Variants in PRPF18 observed in about 807,000 individuals in gnomAD.
PRPF18 encodes the protein pre-mRNA-splicing factor 18.
A neutral mutation model predicts 46.5 loss-of-function variants in PRPF18; 38 were observed. The observed-to-expected ratio is 0.82, with a 90% confidence interval of 0.63 to 1.07. The LOEUF (loss-of-function observed/expected upper bound fraction) is 1.07, where lower values mean the gene tolerates loss of function less well. Ranked by LOEUF, PRPF18 falls within the 50% of genes least tolerant of loss-of-function variation. PRPF18 has a pLI of 0.00. For missense variants in PRPF18, 263 were observed against 410.0 expected, an observed-to-expected ratio of 0.64 and a Z score of 3.10; for synonymous variants, 152 against 146.7, an observed-to-expected ratio of 1.04 and a Z score of -0.26.
the PRPF18 span, among the ~76,000 whole-genome samples, chr10:13,636,206 G>A: frequency 6.6e-6 from 1 of 152,190 alleles, no homozygotes; most frequent in East Asian, 1.9e-4. Flanking sequence ...CAGATCACTT[G>A]AGCTCAGGAG....
intron 2 of PRPF18, among the ~76,000 whole-genome samples, chr10:13,599,157 G>C (rs959183372): frequency 5.3e-5 from 8 of 152,218 alleles, no homozygotes; most frequent in African/African-American, 1.9e-4. Context: ...TTCCTTCTTG[G>C]TAGTAATGAC....
chr10:13,651,871 G>C, the PRPF18 span: 1 of 1,063,954 alleles, frequency 9.4e-7, no homozygotes, highest in East Asian at 2.4e-5. Context: ...ACAGACTCAT[G>C]GGCAGTAGGA....
chr10:13,655,667 A>G, the PRPF18 span: 2 of 152,172 alleles, frequency 1.3e-5, no homozygotes, highest in Non-Finnish European at 2.9e-5. Flanking sequence ...CAGTTCCCCA[A>G]AGATGAACCC....
chr10:13,611,695 A>G lies in PRPF18; in HGVS notation c.579+12A>G. ...CCAAATTCCTGAAGGTGCGTGTCTT[A>G]GGCGAGGGGATGAGGATGCCTTGGA... On this transcript the variant is annotated intron_variant, in intron 6 of 9. Transcript: ENST00000378572. 1 of 1,610,536 alleles carries G rather than the reference A, an allele frequency of 6.2e-7. No homozygotes were observed. The highest frequency in any genetic ancestry group is 1.3e-5 in the African/African-American group (1 of 74,896).
the PRPF18 span, chr10:13,643,058 G>A: frequency 2.0e-4 from 31 of 152,386 alleles, no homozygotes; most frequent in African/African-American, 7.5e-4. Context: ...ACTCAAGTCA[G>A]TCAGTCACCA....
downstream of PRPF18, among the ~76,000 whole-genome samples, chr10:13,634,173 C>T (rs1181010831): frequency 6.6e-6 from 1 of 152,200 alleles, no homozygotes; most frequent in African/African-American, 2.4e-5. Context: ...AACAATTTAT[C>T]ATGAAAGCAT....
the PRPF18 span, chr10:13,645,584 T>A: frequency 6.6e-6 from 1 of 152,640 alleles, no homozygotes; most frequent in African/African-American, 2.4e-5. Context: ...TTTCCTCCTC[T>A]TTTGGTATCT....
the PRPF18 span, chr10:13,653,060 T>A: frequency 6.7e-6 from 1 of 150,222 alleles, no homozygotes; most frequent in Non-Finnish European, 1.5e-5. Context: ...AACATCTGGG[T>A]ATTTCCCCCG....
chr10:13,610,406 A>G (rs1483200885), intron 5 of PRPF18, among the ~76,000 whole-genome samples: 1 of 152,166 alleles, frequency 6.6e-6, no homozygotes, highest in Non-Finnish European at 1.5e-5. Flanking sequence ...TATGTTGGAT[A>G]TGCATCTTTC....
chr10:13,597,395 G>C, intron 1 of PRPF18, 63 bp from the exon 2 acceptor site: 4 of 1,117,352 alleles, frequency 3.6e-6, no homozygotes, highest in East Asian at 5.2e-5. Flanking sequence ...GGTATTTGTT[G>C]ACTATGGGAC....
chr10:13,603,378 A>G (rs567308166), intron 3 of PRPF18, among the ~76,000 whole-genome samples: 1 of 152,286 alleles, frequency 6.6e-6, no homozygotes, highest in Non-Finnish European at 1.5e-5. Flanking sequence ...CACTAAAAGA[A>G]ATTTCGAAGT....
At chr10:13,628,105 A>AAAT (rs2080536074) in intron 9 of PRPF18, among the ~76,000 whole-genome samples, 1 of 152,216 alleles carries the variant, frequency 6.6e-6, no homozygotes, top group African/African-American at 2.4e-5. Context: ...ATCCCAAAGC[A>AAAT]AATACCTGAT....
At chr10:13,604,348 T>A (rs1000368813) in intron 3 of PRPF18, among the ~76,000 whole-genome samples, 1 of 152,226 alleles carries the variant, frequency 6.6e-6, no homozygotes, top group African/African-American at 2.4e-5. Context: ...CTTTCTTCCT[T>A]TTTAAAATGA....
At chr10:13,643,122 C>T in the PRPF18 span, 1 of 152,200 alleles carries the variant, frequency 6.6e-6, no homozygotes, top group Non-Finnish European at 1.5e-5. Context: ...AGGCGCTTGG[C>T]TCTCGTGATG....
the PRPF18 span, among the ~76,000 whole-genome samples, chr10:13,636,379 G>T: frequency 5.3e-5 from 8 of 152,188 alleles, no homozygotes; most frequent in South Asian, 2.1e-4. Context: ...TGATCACACT[G>T]CTGCGTTCCA....
Position 13,613,851 on chromosome 10 carries a change from A to G in PRPF18, c.690A>G (p.Leu230=), listed in dbSNP as rs770327149. The G allele has an allele frequency of 1.9e-6, 3 of 1,612,016 alleles. No homozygotes were observed. The highest frequency in any genetic ancestry group is 2.5e-6 in the Non-Finnish European group (3 of 1,179,510). Residue 230 remains leucine, a synonymous_variant, in exon 7 of 10, where the codon CTA becomes CTG. Transcript: ENST00000378572. The part of the protein sequence containing the change: ...SATQKQTESY[L]RPLFRKLRKR... The stretch of plus-strand genomic sequence containing the variant: ...CCCAGAAACAGACCGAGTCCTACCT[A>G]AGACCACTTTTTAGAAAGCTACGGA...
chr10:13,588,820 G>A (rs1375470959), intron 1 of PRPF18, among the ~76,000 whole-genome samples: 1 of 152,082 alleles, frequency 6.6e-6, no homozygotes, highest in African/African-American at 2.4e-5. Context: ...TTAGACCGCT[G>A]GTTCTCAAAG....
At chr10:13,617,937 G>A (rs993052974) in intron 9 of PRPF18, among the ~76,000 whole-genome samples, 6 of 152,178 alleles carry the variant, frequency 3.9e-5, no homozygotes, top group Admixed American at 6.5e-5. Context: ...AGACCCAGTG[G>A]TATTCTTGTG....
intron 1 of PRPF18, among the ~76,000 whole-genome samples, chr10:13,589,086 AG>A (rs1193917119): frequency 1.3e-5 from 2 of 152,268 alleles, no homozygotes; most frequent in Non-Finnish European, 2.9e-5. Context: ...AACATCTGTA[AG>A]CATTAGGAAA....
Sources: allele counts gnomAD v4.1 joint callset (sites outside exome capture counted in the v4.1 genomes callset), GRCh38; gene constraint gnomAD v4.1.1; transcripts MANE v1.5; gene names NCBI Gene and HGNC (gene_info 2026-07-23, HGNC 2026-07-21).